KIAA1328: variants seen among roughly 807,000 people sequenced by gnomAD.
KIAA1328 encodes the protein KIAA1328, also known as protein hinderin.
In KIAA1328, 52 loss-of-function variants were observed where a neutral mutation model predicts 68.1. That is an observed-to-expected ratio of 0.76 (90% CI 0.61 to 0.96). The LOEUF is 0.96. KIAA1328 is among the 40% of genes least tolerant of loss of function. The pLI, the probability that KIAA1328 is intolerant of heterozygous loss-of-function variation, is 0.00. For synonymous variants in KIAA1328, 232 were observed against 239.4 expected (o/e 0.97, Z 0.28); for missense variants, 641 against 677.6 (o/e 0.95, Z 0.60).
Position 36,928,570 on chromosome 18 carries a change from G to A in KIAA1328, c.449-30738G>A, listed in dbSNP as rs75123306. 1.0e-3 allele frequency among the ~76,000 whole-genome samples: 158 copies of A among 152,210 alleles called. 2 individuals are homozygous for A. Among genetic ancestry groups the A allele is most frequent in the African/African-American group, 3.7e-3 (154 of 41,502 alleles). On this transcript the variant is annotated intron_variant, in intron 5 of 9. Coordinates refer to ENST00000280020, the MANE Select transcript of KIAA1328 (RefSeq NM_020776.3). ...GTGAAATATTGTTGCCATTGGGGGG[G>A]ATACACTTTTGTTTTAGTACTTCAA...
chr18:37,216,893 T>C (rs1469752484), intron 9 of KIAA1328, among the ~76,000 whole-genome samples: 2 of 148,928 alleles, frequency 1.3e-5, no homozygotes, highest in African/African-American at 4.9e-5. Context: ...ATTGCCTTCT[T>C]TGTCTCTTTT....
At chr18:36,903,101 G>A (rs1568143136) in intron 5 of KIAA1328, among the ~76,000 whole-genome samples, 1 of 151,902 alleles carries the variant, frequency 6.6e-6, no homozygotes, top group African/African-American at 2.4e-5. Flanking sequence ...AAAAATACAT[G>A]TTTATCATGG....
chr18:37,011,365 T>G (rs1381406583), intron 6 of KIAA1328, among the ~76,000 whole-genome samples: 1 of 152,044 alleles, frequency 6.6e-6, no homozygotes, highest in Non-Finnish European at 1.5e-5. Flanking sequence ...GGCTTTGGAG[T>G]CATAATTGAC....
At chr18:37,102,756 A>G (rs927532836) in intron 7 of KIAA1328, among the ~76,000 whole-genome samples, 2 of 152,202 alleles carry the variant, frequency 1.3e-5, no homozygotes, top group African/African-American at 4.8e-5. Flanking sequence ...AAGAAAGAAA[A>G]TGTATCCAAA....
chr18:36,886,725 C>T (rs996018299), intron 5 of KIAA1328, among the ~76,000 whole-genome samples: 4 of 152,072 alleles, frequency 2.6e-5, no homozygotes, highest in Non-Finnish European at 4.4e-5. Flanking sequence ...TGTGTGAATG[C>T]GTGAAACCAC....
intron 5 of KIAA1328, among the ~76,000 whole-genome samples, chr18:36,910,052 G>T (rs1872244389): frequency 1.3e-5 from 2 of 152,036 alleles, no homozygotes; most frequent in Admixed American, 1.3e-4. Context: ...TGAGTAGATT[G>T]CAGAAATTTT....
At chr18:37,103,426 C>G (rs1599278898) in intron 7 of KIAA1328, among the ~76,000 whole-genome samples, 1 of 152,168 alleles carries the variant, frequency 6.6e-6, no homozygotes, top group South Asian at 2.1e-4. Context: ...TTCAATAAAC[C>G]ATTCTGAGAA....
At chr18:37,218,631 C>T (rs561371462) in intron 9 of KIAA1328, among the ~76,000 whole-genome samples, 23 of 152,300 alleles carry the variant, frequency 1.5e-4, no homozygotes, top group African/African-American at 5.5e-4. Flanking sequence ...GCATGCGTCA[C>T]GTAGTTCTCC....
At chr18:37,014,922 T>C (rs1368702957) in intron 6 of KIAA1328, among the ~76,000 whole-genome samples, 2 of 152,128 alleles carry the variant, frequency 1.3e-5, no homozygotes, top group Non-Finnish European at 2.9e-5. Flanking sequence ...TTTATTTTTT[T>C]AGACAGAGTC....
Position 36,948,566 on chromosome 18 carries a change from T to C in KIAA1328, c.449-10742T>C, listed in dbSNP as rs2051005054. ...TTAGCCACCACGCCTTTTTTTTTTT[T>C]TTTGAGACAGTCTCACTCTGTTGCC... On this transcript the variant is annotated intron_variant, in intron 5 of 9. Transcript: ENST00000280020. 2.0e-5 allele frequency among the ~76,000 whole-genome samples: 3 copies of C among 151,078 alleles called. No homozygotes were observed. In the South Asian group the frequency reaches 6.3e-4, roughly 32 times the overall value.
Position 37,156,475 on chromosome 18 carries a change from A to G in KIAA1328, c.1233-3725A>G, listed in dbSNP as rs1434692460. On this transcript the variant is annotated intron_variant, in intron 7 of 9. Transcript: ENST00000280020. ...AAAGAATGGGAACGAGGGCTTTCTC[A>G]TGTTTGTATACCCAGCACCTAGCAT... 2.0e-5 allele frequency among the ~76,000 whole-genome samples: 3 copies of G among 149,938 alleles called. No individual in the cohort carries two copies. In the South Asian group the frequency reaches 6.3e-4, roughly 32 times the overall value.
chr18:36,901,028 GT>G (rs2151030955), intron 5 of KIAA1328, among the ~76,000 whole-genome samples: 2 of 152,132 alleles, frequency 1.3e-5, no homozygotes, highest in Admixed American at 1.3e-4. Flanking sequence ...ACTAGGTTTG[GT>G]TTTGTTGTCT....
intron 5 of KIAA1328, among the ~76,000 whole-genome samples, chr18:36,939,020 G>C (rs567329908): frequency 6.6e-5 from 10 of 152,274 alleles, no homozygotes; most frequent in African/African-American, 2.2e-4. Flanking sequence ...AAGTCATACA[G>C]TGTTATGCCT....
chr18:36,910,617 G>T (rs191659602), intron 5 of KIAA1328, among the ~76,000 whole-genome samples: 92 of 152,054 alleles, frequency 6.1e-4, no homozygotes, highest in African/African-American at 1.9e-3. Context: ...TCTTTTTTTG[G>T]TTCCATATGA....
chr18:36,900,329 A>G (rs1002003243), intron 5 of KIAA1328, among the ~76,000 whole-genome samples: 2 of 151,968 alleles, frequency 1.3e-5, no homozygotes, highest in Non-Finnish European at 2.9e-5. Context: ...TAAGTTCCCT[A>G]CAAGGCCCAT....
intron 6 of KIAA1328, among the ~76,000 whole-genome samples, chr18:37,054,209 G>A (rs951054787): frequency 2.0e-5 from 3 of 152,130 alleles, no homozygotes; most frequent in African/African-American, 7.2e-5. Flanking sequence ...CAACTTGTTG[G>A]TGGGGATGTA....
intron 6 of KIAA1328, among the ~76,000 whole-genome samples, chr18:37,040,429 C>T (rs942499704): frequency 2.6e-5 from 4 of 152,118 alleles, no homozygotes; most frequent in Non-Finnish European, 5.9e-5. Flanking sequence ...ATGGTCTCCT[C>T]TTTAATTCCT....
intron 7 of KIAA1328, among the ~76,000 whole-genome samples, chr18:37,084,821 C>G (rs987082185): frequency 2.0e-5 from 3 of 152,194 alleles, no homozygotes; most frequent in Non-Finnish European, 4.4e-5. Flanking sequence ...TTTTTACGAT[C>G]CTTGATTCAC....
intron 9 of KIAA1328, among the ~76,000 whole-genome samples, chr18:37,193,059 C>T (rs2059937125): frequency 6.6e-6 from 1 of 152,108 alleles, no homozygotes; most frequent in Non-Finnish European, 1.5e-5. Flanking sequence ...GATAGTCTTT[C>T]ACCAAACCTC....
Sources: allele counts gnomAD v4.1 joint callset (sites outside exome capture counted in the v4.1 genomes callset), GRCh38; gene constraint gnomAD v4.1.1; transcripts MANE v1.5; gene names NCBI Gene and HGNC (gene_info 2026-07-23, HGNC 2026-07-21).